UBTD2: variants seen among roughly 807,000 people sequenced by gnomAD.
The protein encoded by UBTD2 is ubiquitin domain containing 2.
UBTD2 carries 9 observed loss-of-function variants against 19.8 expected under a neutral mutation model. That is an observed-to-expected ratio of 0.46 (90% confidence interval 0.27 to 0.79). The LOEUF is 0.79. Among genes scored for constraint, UBTD2 ranks in the 30% least tolerant of loss-of-function variants. The pLI, the probability that UBTD2 is intolerant of heterozygous loss-of-function variation, is 0.14. For synonymous variants in UBTD2, 98 were observed against 103.9 expected (o/e 0.94, Z 0.35); for missense variants, 250 against 300.4 (o/e 0.83, Z 1.24).
chr5:172,241,256 A>T (rs1186871394), intron 1 of UBTD2, among the ~76,000 whole-genome samples: 1 of 152,046 alleles, frequency 6.6e-6, no homozygotes, highest in Non-Finnish European at 1.5e-5. Flanking sequence ...TCTACTAAAA[A>T]TACAAAATTA....
intron 1 of UBTD2, among the ~76,000 whole-genome samples, chr5:172,256,225 ATT>A (rs1305290020): frequency 1.3e-5 from 2 of 152,310 alleles, no homozygotes; most frequent in African/African-American, 2.4e-5. Context: ...AAGCCACTCT[ATT>A]AAGTCATAGC....
At position 172,211,749 on chromosome 5, in the gene UBTD2, T is replaced by G; in HGVS notation, c.*81A>C. 1 of 1,428,868 alleles carries G rather than the reference T, an allele frequency of 7.0e-7. No homozygotes were observed. The highest frequency in any genetic ancestry group is 2.3e-5 in the East Asian group (1 of 43,058). The allele number at this position is 1,428,868 out of a possible 1,614,324, so 88.5% of individuals were successfully genotyped here. A position where few individuals can be genotyped will look rare whatever the true frequency, so the allele number is the denominator to read the frequency against. On this transcript the variant is annotated 3_prime_UTR_variant, in exon 3 of 3. Coordinates refer to ENST00000393792, the MANE Select transcript of UBTD2 (RefSeq NM_152277.3). ...GGGAATTTAGAGCAGTGAAATAGAT[T>G]TCACGCCGCAGAGTAGGAAATGACA...
intron 2 of UBTD2, among the ~76,000 whole-genome samples, chr5:172,217,367 C>A (rs1278475936): frequency 1.4e-5 from 2 of 144,288 alleles, no homozygotes; most frequent in African/African-American, 5.2e-5. Context: ...TGCAGTGAGT[C>A]GAGATCGCGC....
At chr5:172,245,722 A>G (rs978770322) in intron 1 of UBTD2, among the ~76,000 whole-genome samples, 2 of 151,942 alleles carry the variant, frequency 1.3e-5, no homozygotes, top group Admixed American at 1.3e-4. Flanking sequence ...AAAAAAAAAA[A>G]AAAGAAAGAA....
At chr5:172,242,470 G>T in intron 1 of UBTD2, 1 of 965,394 alleles carries the variant, frequency 1.0e-6, no homozygotes, top group Non-Finnish European at 1.2e-6. Flanking sequence ...TTGCCCTCCA[G>T]GGGATATACG....
chr5:172,240,738 C>A (rs1486172099), intron 1 of UBTD2, among the ~76,000 whole-genome samples: 1 of 152,092 alleles, frequency 6.6e-6, no homozygotes, highest in African/African-American at 2.4e-5. Context: ...CCCCACTCCA[C>A]AAAACAACTT....
intron 1 of UBTD2, among the ~76,000 whole-genome samples, chr5:172,276,636 T>C (rs1755608809): frequency 6.6e-6 from 1 of 152,032 alleles, no homozygotes; most frequent in African/African-American, 2.4e-5. Context: ...TGTGGGCCAG[T>C]TGCATTATGT....
chr5:172,212,379 T>C lies in UBTD2; in HGVS notation c.308-152A>G, dbSNP rs981784699. On this transcript the variant is annotated intron_variant, in intron 2 of 2. Coordinates refer to ENST00000393792, the MANE Select transcript of UBTD2 (RefSeq NM_152277.3). Reference sequence around the variant, plus strand: ...GATCATCAATGATTATCAAATCCCATGCCCAATTATTTGAGTATTTAATTT... The same window carrying C: ...GATCATCAATGATTATCAAATCCCACGCCCAATTATTTGAGTATTTAATTT... 6 of 838,050 alleles carry C rather than the reference T, an allele frequency of 7.2e-6. No homozygotes were observed. In the African/African-American group the frequency reaches 8.6e-5, roughly 12 times the overall value. 51.9% of individuals were successfully genotyped at this position (838,050 alleles called of 1,614,324 possible).
intron 1 of UBTD2, among the ~76,000 whole-genome samples, chr5:172,245,876 T>C (rs1256842698): frequency 6.6e-6 from 1 of 152,240 alleles, no homozygotes; most frequent in Non-Finnish European, 1.5e-5. Context: ...CGGCTGAACC[T>C]AGCAGGATTG....
chr5:172,262,417 T>C (rs1755286553), intron 1 of UBTD2, among the ~76,000 whole-genome samples: 1 of 129,748 alleles, frequency 7.7e-6, no homozygotes, highest in African/African-American at 3.1e-5. Context: ...GCCACTGCAT[T>C]CCAGCCTGGG....
At chr5:172,216,056 A>G (rs904134364) in intron 2 of UBTD2, among the ~76,000 whole-genome samples, 2 of 152,012 alleles carry the variant, frequency 1.3e-5, no homozygotes, top group Admixed American at 1.3e-4. Context: ...AATCCCAGCT[A>G]CTCAGGAGGC....
At chr5:172,274,135 C>CTTTTTTT (rs555392614) in intron 1 of UBTD2, among the ~76,000 whole-genome samples, 2 of 108,648 alleles carry the variant, frequency 1.8e-5, no homozygotes, top group Non-Finnish European at 1.8e-5. Context: ...TTTTGCTTTA[C>CTTTTTTT]TTTTTTTTTT....
rs1320191725 is a variant in UBTD2 at position 172,210,361 on chromosome 5, A to G, written c.*1469T>C. The G allele has an allele frequency of 6.6e-6, 1 of 152,198 alleles. No homozygotes were observed. Among genetic ancestry groups the G allele is most frequent in the Non-Finnish European group, 1.5e-5 (1 of 68,030 alleles). 9.4% of individuals were successfully genotyped at this position (152,198 alleles called of 1,614,324 possible). On this transcript the variant is annotated 3_prime_UTR_variant, in exon 3 of 3. Coordinates refer to ENST00000393792, the MANE Select transcript of UBTD2 (RefSeq NM_152277.3). ...AGGTGTGGAGGGCTGACATTTTCCA[A>G]CTGAGAACAGCGTTAAGTGCCTTCT...
intron 1 of UBTD2, among the ~76,000 whole-genome samples, chr5:172,267,326 C>G (rs1006859897): frequency 6.6e-6 from 1 of 152,180 alleles, no homozygotes; most frequent in Non-Finnish European, 1.5e-5. Flanking sequence ...GCCATCTTTA[C>G]GCATATATGA....
chr5:172,245,629 C>T (rs6882030), intron 1 of UBTD2, among the ~76,000 whole-genome samples: 48,851 of 151,498 alleles, frequency 0.32, 7,962 homozygotes, highest in South Asian at 0.42. Context: ...GGAGAATCGT[C>T]TGAACCCTGG....
At chr5:172,273,700 T>A (rs536413034) in intron 1 of UBTD2, among the ~76,000 whole-genome samples, 217 of 150,108 alleles carry the variant, frequency 1.4e-3, no homozygotes, top group African/African-American at 5.1e-3. Flanking sequence ...AGGTAGATGA[T>A]CAGGAAGCAG....
chr5:172,263,851 CTGTGTG>C (rs111856574), intron 1 of UBTD2, among the ~76,000 whole-genome samples: 6 of 142,224 alleles, frequency 4.2e-5, no homozygotes, highest in Non-Finnish European at 6.1e-5. Context: ...GCACGTGCCT[CTGTGTG>C]TGTGTGTGTG....
intron 1 of UBTD2, among the ~76,000 whole-genome samples, chr5:172,278,797 C>A (rs1755656183): frequency 6.6e-6 from 1 of 152,072 alleles, no homozygotes; most frequent in Admixed American, 6.6e-5. Context: ...TATTTTGAGA[C>A]CGAGTCTCAC....
At chr5:172,260,839 AT>A (rs1182353511) in intron 1 of UBTD2, among the ~76,000 whole-genome samples, 1 of 152,206 alleles carries the variant, frequency 6.6e-6, no homozygotes, top group Non-Finnish European at 1.5e-5. Flanking sequence ...AATTATGAGA[AT>A]TTAAAGAGAA....
Sources: gnomAD v4.1 joint callset for allele counts (sites outside exome capture counted in the v4.1 genomes callset) on GRCh38, gnomAD v4.1.1 for gene constraint, MANE v1.5 for transcripts, NCBI Gene and HGNC (gene_info 2026-07-23, HGNC 2026-07-21) for gene names.